Variants in CCNA1 observed in about 807,000 individuals in gnomAD.
CCNA1 encodes the protein cyclin-A1.
CCNA1 carries 23 observed loss-of-function variants against 54.1 expected under a neutral mutation model. The observed-to-expected ratio is 0.42, with a 90% CI of 0.31 to 0.60. The LOEUF is 0.60. CCNA1 is among the 20% of genes least tolerant of loss of function. The pLI is 0.14. For missense variants in CCNA1, 450 were observed against 556.7 expected (o/e 0.81, Z 1.93); for synonymous variants, 208 against 213.9 (o/e 0.97, Z 0.24).
At chr13:36,435,943 ATTC>A (rs1266491812) in intron 2 of CCNA1, among the ~76,000 whole-genome samples, 3 of 152,162 alleles carry the variant, frequency 2.0e-5, no homozygotes, top group Non-Finnish European at 4.4e-5. Context: ...GTCTTCCTCG[ATTC>A]TTATTTTTCT....
At position 36,432,749 on chromosome 13, in the gene CCNA1, C is replaced by T. The variant is rs747715866; in HGVS notation, c.108+20C>T. 6 of 1,473,430 alleles carry T rather than the reference C, an allele frequency of 4.1e-6. No homozygotes were observed. Among genetic ancestry groups the T allele is most frequent in the South Asian group, 1.2e-5 (1 of 86,830 alleles). The allele number at this position is 1,473,430 out of a possible 1,614,324, so 91.3% of individuals were successfully genotyped here. ...TTCCAGGTAACGTGGGTTTAGTATC[C>T]CGACTTGGAGGCTTGTCAGAATGTT... On this transcript the variant is annotated intron_variant, in intron 1 of 8. Coordinates refer to ENST00000255465, the MANE Select transcript of CCNA1 (RefSeq NM_003914.4).
chr13:36,432,851 A>T, intron 1 of CCNA1, 122 bp downstream of exon 1: 1 of 955,078 alleles, frequency 1.0e-6, no homozygotes, highest in Non-Finnish European at 1.6e-6. Flanking sequence ...TTTGATTCAG[A>T]GCAACTTTGA....
rs774303787 is a variant in CCNA1, at chr13:36,439,934, G to A, written c.894-45G>A. ...TGGCTTATGGTAGCACAGGAGTAGA[G>A]CCAAAGGTTCTAAGTTTTACTTCTG... On this transcript the variant is annotated intron_variant, in intron 5 of 8. Transcript: ENST00000255465. 17 of 1,375,044 alleles carry A rather than the reference G, an allele frequency of 1.2e-5. No homozygotes were observed. In the South Asian group the frequency reaches 2.0e-4, roughly 16 times the overall value. 85.2% of individuals were successfully genotyped at this position (1,375,044 alleles called of 1,614,324 possible). A position where few individuals can be genotyped will look rare whatever the true frequency, so the allele number is the denominator to read the frequency against.
chr13:36,442,424 G>C (rs569875692), intron 8 of CCNA1, 120 bp downstream of exon 8: 1 of 1,204,464 alleles, frequency 8.3e-7, no homozygotes, highest in Non-Finnish European at 1.2e-6. Flanking sequence ...GAAAAGTAAG[G>C]GTACGTGTAC....
At chr13:36,433,601 C>T (rs1223589350) in intron 2 of CCNA1, among the ~76,000 whole-genome samples, 1 of 145,114 alleles carries the variant, frequency 6.9e-6, no homozygotes, top group African/African-American at 2.6e-5. Flanking sequence ...AGTGCAGTGA[C>T]GCGATCTCGG....
Position 36,437,737 on chromosome 13 carries a change from G to A in CCNA1, c.406G>A (p.Asp136Asn), listed in dbSNP as rs1185237523. The A allele has an allele frequency of 1.2e-6, 2 of 1,614,056 alleles. No individual in the cohort carries two copies. The highest frequency in any genetic ancestry group is 1.3e-5 in the African/African-American group (1 of 74,928). ...CCAAGAGCCCCCCAAGCAAGGGTTT[G>A]ACATCTACATGGATGAACTAGAGCA... The change falls in exon 3 of 9, where the codon GAC becomes AAC. Residue 136 changes from aspartate to asparagine, a missense_variant. This residue lies in a region of CCNA1 where 103 missense variants were observed against 92.9 expected (regional missense o/e 1.11). Coordinates refer to ENST00000255465, the MANE Select transcript of CCNA1 (RefSeq NM_003914.4).
intron 2 of CCNA1, among the ~76,000 whole-genome samples, chr13:36,433,438 C>CG (rs1566169691): frequency 1.1e-3 from 93 of 81,148 alleles, no homozygotes; most frequent in African/African-American, 3.5e-3. Flanking sequence ...TTCTTTCTTT[C>CG]TTTCGTTCTT....
chr13:36,435,868 C>G (rs1218084113), intron 2 of CCNA1, among the ~76,000 whole-genome samples: 1 of 152,174 alleles, frequency 6.6e-6, no homozygotes. Context: ...ACTGCTCTTC[C>G]CAAGTCTTCC....
At chr13:36,439,751 G>T (rs2055852264) in intron 5 of CCNA1, among the ~76,000 whole-genome samples, 1 of 152,102 alleles carries the variant, frequency 6.6e-6, no homozygotes, top group Non-Finnish European at 1.5e-5. Context: ...AATTGTTTCT[G>T]TTACTACTCC....
chr13:36,442,396 G>T (rs1278962693), intron 8 of CCNA1, 92 bp downstream of exon 8: 1 of 1,398,404 alleles, frequency 7.2e-7, no homozygotes, highest in Non-Finnish European at 9.9e-7. Context: ...ATTAAATTGT[G>T]TATCTGGTGC....
chr13:36,442,614 G>A lies in CCNA1; in HGVS notation c.1347G>A (p.Lys449=). The A allele has an allele frequency of 1.9e-6, 3 of 1,613,892 alleles. No homozygotes were observed. The highest frequency in any genetic ancestry group is 2.5e-6 in the Non-Finnish European group (3 of 1,179,910). ...GACCTTGCTTTGGGTCTTGTTTCAG[G>A]TACCTGTGTGTGTCCCTCATGGAGC... The change falls in exon 9 of 9, where the codon AAG becomes AAA. Residue 449 remains lysine (K), a splice_region_variant and synonymous_variant. Transcript: ENST00000255465.
intron 7 of CCNA1, among the ~76,000 whole-genome samples, chr13:36,441,555 T>C (rs565836593): frequency 6.6e-6 from 1 of 152,294 alleles, no homozygotes; most frequent in East Asian, 1.9e-4. Flanking sequence ...GACTTTTACC[T>C]TCTATATTAA....
intron 1 of CCNA1, 64 bp downstream of exon 1, chr13:36,432,793 C>T: frequency 8.5e-7 from 1 of 1,171,330 alleles, no homozygotes; most frequent in Non-Finnish European, 1.3e-6. Context: ...TCCAGCCCAA[C>T]ACGAAGTCTT....
At chr13:36,441,773 C>A (rs1162034144) in intron 7 of CCNA1, among the ~76,000 whole-genome samples, 3 of 152,064 alleles carry the variant, frequency 2.0e-5, no homozygotes, top group African/African-American at 7.2e-5. Flanking sequence ...TTTTCTGCTG[C>A]ATTTTCTTTT....
upstream of CCNA1, chr13:36,431,652 T>C (rs1048945110): frequency 6.6e-6 from 1 of 152,296 alleles, no homozygotes; most frequent in East Asian, 1.9e-4. Flanking sequence ...GCAGGCCACA[T>C]GCACCGGGAG....
chr13:36,432,393 C>G (rs2055721093), upstream of CCNA1: 1 of 236,362 alleles, frequency 4.2e-6, no homozygotes, highest in Non-Finnish European at 8.3e-6. Flanking sequence ...CTGCCCTTCC[C>G]CGCCCTGCCC....
intron 7 of CCNA1, 67 bp downstream of exon 7, chr13:36,441,298 G>A (rs1593327329): frequency 2.2e-6 from 2 of 901,144 alleles, no homozygotes; most frequent in East Asian, 2.5e-5. Context: ...CTCTTATGAG[G>A]GCAAGTTAGT....
rs1447762765 is a variant in CCNA1, at chr13:36,433,383, TTTCTTTCTTTCTTTCTTTCTTTC to T, written c.297+165_297+187del. 2.7e-4 allele frequency among the ~76,000 whole-genome samples: 16 copies of T among 58,860 alleles called. No homozygotes were observed. The Admixed American group carries it at 2.8e-3, about 10-fold the overall frequency. The allele number at this position is 58,860 out of a possible 152,430, so 38.6% of individuals were successfully genotyped here. A position where few individuals can be genotyped will look rare whatever the true frequency, so the allele number is the denominator to read the frequency against. On this transcript the variant is annotated intron_variant, in intron 2 of 8. Coordinates refer to ENST00000255465, the MANE Select transcript of CCNA1 (RefSeq NM_003914.4). Reference sequence around the variant, plus strand: ...TTGATTGATTTATTTTCTTTCTTTCTTTCTTTCTTTCTTTCTTTCTTTCTTTCTTTCTTTCTTTCTTTCTTTCT... The same window carrying T: ...TTGATTGATTTATTTTCTTTCTTTCTTTTCTTTCTTTCTTTCTTTCTTTCT...
chr13:36,435,543 C>A (rs539733774), intron 2 of CCNA1, among the ~76,000 whole-genome samples: 1 of 152,214 alleles, frequency 6.6e-6, no homozygotes, highest in Admixed American at 6.5e-5. Context: ...GAACACCACT[C>A]TCTCCAAGTT....
Sources: allele counts gnomAD v4.1 joint callset (sites outside exome capture counted in the v4.1 genomes callset), GRCh38; gene constraint gnomAD v4.1.1; regional missense constraint gnomAD v4.1.1; transcripts MANE v1.5; gene names NCBI Gene and HGNC (gene_info 2026-07-23, HGNC 2026-07-21).